FMN1: variants seen among roughly 807,000 people sequenced by gnomAD.
FMN1 encodes the protein formin-1.
FMN1 carries 110 observed loss-of-function variants against 132.4 expected under a neutral mutation model. That is an observed-to-expected ratio of 0.83 (90% CI 0.71 to 0.97). The LOEUF (loss-of-function observed/expected upper bound fraction) is 0.97, where lower values mean the gene tolerates loss of function less well. Among genes scored for constraint, FMN1 ranks in the 50% least tolerant of loss-of-function variants. FMN1 has a pLI of 0.00. For synonymous variants in FMN1, 722 were observed against 651.7 expected (o/e 1.11, Z -1.64); for missense variants, 1,792 against 1,705.3 (o/e 1.05, Z -0.90).
intron 6 of FMN1, among the ~76,000 whole-genome samples, chr15:33,052,206 G>A (rs1488781697): frequency 1.3e-5 from 2 of 152,104 alleles, no homozygotes; most frequent in African/African-American, 2.4e-5. Context: ...TAACTATGCT[G>A]GTGTCTTAGC....
chr15:32,958,956 C>T lies in FMN1; in HGVS notation c.3138+5151G>A, dbSNP rs1366333452. 7.4e-5 allele frequency among the ~76,000 whole-genome samples: 11 copies of T among 149,112 alleles called. No individual in the cohort carries two copies. The East Asian group carries it at 2.0e-3, about 27-fold the overall frequency. Reference sequence around the variant, plus strand: ...ACTTGGGAGGCTGAGGCAGGACAATCGGCTTGAACCTGGGTGGTGGGGGTT... The same window carrying T: ...ACTTGGGAGGCTGAGGCAGGACAATTGGCTTGAACCTGGGTGGTGGGGGTT... On this transcript the variant is annotated intron_variant, in intron 9 of 20. Coordinates refer to ENST00000616417, the MANE Select transcript of FMN1 (RefSeq NM_001277313.2).
intron 18 of FMN1, among the ~76,000 whole-genome samples, 167 bp downstream of exon 18, chr15:32,804,114 G>A (rs2057575707): frequency 6.6e-6 from 1 of 152,066 alleles, no homozygotes; most frequent in Non-Finnish European, 1.5e-5. Context: ...CTAGGGACAG[G>A]GGAGTGGGGA....
At position 32,964,257 on chromosome 15, in the gene FMN1, G is replaced by C; in HGVS notation, c.2988C>G (p.Ser996Arg). 1 of 1,560,334 alleles carries C rather than the reference G, an allele frequency of 6.4e-7. No individual in the cohort carries two copies. Among genetic ancestry groups the C allele is most frequent in the Non-Finnish European group, 8.7e-7 (1 of 1,151,188 alleles). Residue 996 changes from serine (S) to arginine (R), a missense_variant and splice_region_variant, in exon 9 of 21, where the codon AGC (serine) becomes AGG (arginine). This residue lies in a region of FMN1 where 1,150 missense variants were observed against 1,043.1 expected (regional missense o/e 1.10). Transcript: ENST00000616417. Reference protein sequence around the residue: ...YWTRIQISDRSQNATPTLWDS... With the variant: ...YWTRIQISDRRQNATPTLWDS... ...CCCATAAGGTTGGTGTAGCATTTTG[G>C]CTTAAAAGAGAAAATGACAAGTTAA...
chr15:32,798,990 G>C (rs1198096596), intron 18 of FMN1, 37 bp from the exon 19 acceptor site: 5 of 1,594,780 alleles, frequency 3.1e-6, no homozygotes, highest in Non-Finnish European at 4.3e-6. Flanking sequence ...ATGAGGTAGA[G>C]GTGAGAAATT....
chr15:33,000,206 T>G (rs1010554116), intron 7 of FMN1, among the ~76,000 whole-genome samples: 1 of 151,956 alleles, frequency 6.6e-6, no homozygotes, highest in African/African-American at 2.4e-5. Flanking sequence ...TCCCAGCACT[T>G]TGGGAGGCAG....
chr15:33,033,667 T>C (rs2036051777), intron 6 of FMN1, among the ~76,000 whole-genome samples: 1 of 142,972 alleles, frequency 7.0e-6, no homozygotes, highest in South Asian at 2.3e-4. Flanking sequence ...AGCTACCTCA[T>C]GGTTTTTTTT....
intron 3 of FMN1, among the ~76,000 whole-genome samples, chr15:33,173,116 T>C (rs1440789101): frequency 6.6e-6 from 1 of 152,154 alleles, no homozygotes; most frequent in Non-Finnish European, 1.5e-5. Context: ...CAATCTGAGA[T>C]ATCCAGTCTA....
intron 17 of FMN1, among the ~76,000 whole-genome samples, chr15:32,855,189 A>G (rs2059102665): frequency 6.6e-6 from 1 of 151,106 alleles, no homozygotes; most frequent in South Asian, 2.1e-4. Context: ...AAAAGAAAAA[A>G]GAAAGAAAAT....
intron 6 of FMN1, among the ~76,000 whole-genome samples, chr15:33,060,159 G>T (rs537289471): frequency 7.1e-6 from 1 of 140,632 alleles, no homozygotes; most frequent in South Asian, 2.3e-4. Flanking sequence ...AGGCTACAGG[G>T]GTCTATGAAA....
chr15:32,920,487 A>C (rs2060794600), intron 10 of FMN1, among the ~76,000 whole-genome samples: 1 of 152,202 alleles, frequency 6.6e-6, no homozygotes, highest in South Asian at 2.1e-4. Context: ...CAAGACATCA[A>C]ACACTATCTT....
At chr15:33,030,319 T>TA in intron 6 of FMN1, among the ~76,000 whole-genome samples, 1 of 152,176 alleles carries the variant, frequency 6.6e-6, no homozygotes, top group Middle Eastern at 3.4e-3. Context: ...TAAAAGAAAA[T>TA]AGAGACCAGA....
chr15:33,018,925 G>T (rs755515852), intron 6 of FMN1, among the ~76,000 whole-genome samples: 1 of 152,198 alleles, frequency 6.6e-6, no homozygotes, highest in African/African-American at 2.4e-5. Flanking sequence ...TGAAGCTGCA[G>T]ACCTTCCTGG....
At chr15:33,172,045 T>C (rs1285686294) in intron 3 of FMN1, among the ~76,000 whole-genome samples, 1 of 151,730 alleles carries the variant, frequency 6.6e-6, no homozygotes, top group Non-Finnish European at 1.5e-5. Flanking sequence ...CCGTCTCTAC[T>C]AAAAATACAA....
intron 3 of FMN1, among the ~76,000 whole-genome samples, chr15:33,164,058 T>C (rs1344955643): frequency 6.6e-6 from 1 of 152,068 alleles, no homozygotes; most frequent in Non-Finnish European, 1.5e-5. Flanking sequence ...GAAGAAGACA[T>C]GGGCTCAAGG....
At chr15:33,005,342 C>T (rs142295374) in intron 7 of FMN1, among the ~76,000 whole-genome samples, 2 of 152,180 alleles carry the variant, frequency 1.3e-5, no homozygotes, top group Non-Finnish European at 2.9e-5. Flanking sequence ...CTAGTATCAT[C>T]AAAAGAGCAG....
At chr15:33,042,959 A>G (rs1424753209) in intron 6 of FMN1, among the ~76,000 whole-genome samples, 1 of 152,062 alleles carries the variant, frequency 6.6e-6, no homozygotes, top group African/African-American at 2.4e-5. Context: ...CCATAACACA[A>G]AAACAAATAA....
chr15:32,798,597 T>G (rs2057371842), intron 19 of FMN1, among the ~76,000 whole-genome samples: 1 of 152,194 alleles, frequency 6.6e-6, no homozygotes, highest in Admixed American at 6.5e-5. Context: ...GTGTAACTTA[T>G]CAGATCATGT....
chr15:33,017,476 TG>T, intron 6 of FMN1, among the ~76,000 whole-genome samples: 1 of 152,274 alleles, frequency 6.6e-6, no homozygotes, highest in East Asian at 1.9e-4. Context: ...TAAAAATAGT[TG>T]ATTTTTTTTT....
At chr15:33,028,588 C>T (rs1021422510) in intron 6 of FMN1, among the ~76,000 whole-genome samples, 3 of 151,796 alleles carry the variant, frequency 2.0e-5, no homozygotes, top group African/African-American at 7.3e-5. Flanking sequence ...TTGGAAATCC[C>T]ACTTTACTGG....
Sources: gnomAD v4.1 joint callset for allele counts (sites outside exome capture counted in the v4.1 genomes callset) on GRCh38, gnomAD v4.1.1 for gene constraint, gnomAD v4.1.1 regional missense constraint, MANE v1.5 for transcripts, NCBI Gene and HGNC (gene_info 2026-07-23, HGNC 2026-07-21) for gene names.